The following SYT1 variants were observed in gnomAD, a reference collection of about 807,000 sequenced individuals.
SYT1 encodes the protein synaptotagmin 1.
In SYT1, 8 loss-of-function variants were observed where a neutral mutation model predicts 44.8. The observed-to-expected ratio is 0.18, with a 90% CI of 0.10 to 0.32. The LOEUF is 0.32. Among genes scored for constraint, SYT1 ranks in the 10% least tolerant of loss-of-function variants. SYT1 has a pLI of 1.00. For missense variants in SYT1, 286 were observed against 509.3 expected (o/e 0.56, Z 4.22); for synonymous variants, 154 against 188.8 (o/e 0.82, Z 1.51).
intron 9 of SYT1, among the ~76,000 whole-genome samples, chr12:79,418,987 T>C (rs1868929395): frequency 6.6e-6 from 1 of 152,206 alleles, no homozygotes; most frequent in South Asian, 2.1e-4. Flanking sequence ...GTGATTATAC[T>C]GTGAAGCCAG....
At chr12:78,922,941 G>A (rs1401266343) in intron 1 of SYT1, among the ~76,000 whole-genome samples, 1 of 147,598 alleles carries the variant, frequency 6.8e-6, no homozygotes, top group Non-Finnish European at 1.5e-5. Flanking sequence ...GTATAGTCAG[G>A]ACGAGAACCC....
intron 4 of SYT1, among the ~76,000 whole-genome samples, chr12:79,237,290 C>A: frequency 6.6e-6 from 1 of 152,038 alleles, no homozygotes; most frequent in Non-Finnish European, 1.5e-5. Flanking sequence ...AAGAGTTGGG[C>A]ATTAGAAATT....
intron 2 of SYT1, among the ~76,000 whole-genome samples, chr12:79,020,803 G>A (rs1872143052): frequency 6.6e-6 from 1 of 151,874 alleles, no homozygotes; most frequent in Non-Finnish European, 1.5e-5. Context: ...GAAGAAACCT[G>A]TGGTGTTTAA....
At chr12:79,092,328 A>T (rs571538976) in intron 3 of SYT1, among the ~76,000 whole-genome samples, 1 of 151,856 alleles carries the variant, frequency 6.6e-6, no homozygotes. Flanking sequence ...ATTGTGTCCT[A>T]TTAGAAAGAG....
intron 4 of SYT1, among the ~76,000 whole-genome samples, chr12:79,218,613 T>C (rs1182628574): frequency 6.6e-6 from 1 of 152,100 alleles, no homozygotes. Context: ...CACATATGAG[T>C]GAGATCATGT....
chr12:79,087,104 C>T lies in SYT1; in HGVS notation c.-18+39742C>T, dbSNP rs150761355. 4.8e-3 allele frequency among the ~76,000 whole-genome samples: 735 copies of T among 152,202 alleles called. 5 individuals are homozygous for T. Among genetic ancestry groups the T allele is most frequent in the Non-Finnish European group, 7.7e-3 (523 of 67,998 alleles). On this transcript the variant is annotated intron_variant, in intron 3 of 10. Transcript: ENST00000261205. ...CAGCTGTGTTAGTACACAATTCGGG[C>T]CTTTTCTAGCTTTATGATTCTAAAA...
chr12:79,402,345 A>C (rs1315510547), intron 9 of SYT1, among the ~76,000 whole-genome samples: 1 of 152,158 alleles, frequency 6.6e-6, no homozygotes, highest in Non-Finnish European at 1.5e-5. Context: ...TCTCAATACA[A>C]AATCAAAGCT....
At chr12:79,339,350 A>G (rs1246553906) in intron 8 of SYT1, among the ~76,000 whole-genome samples, 1 of 152,134 alleles carries the variant, frequency 6.6e-6, no homozygotes, top group African/African-American at 2.4e-5. Context: ...TGACTTTTTA[A>G]TGATCGCCAT....
At chr12:79,023,353 T>G (rs144182965) in intron 2 of SYT1, among the ~76,000 whole-genome samples, 3 of 151,662 alleles carry the variant, frequency 2.0e-5, no homozygotes, top group African/African-American at 7.3e-5. Context: ...ACCTGAGGGG[T>G]GGGGCTTTAG....
rs113579232 is a variant in SYT1, at chr12:79,087,769, G to A, written c.-18+40407G>A. The stretch of plus-strand genomic sequence containing the variant: ...GTGACAATCCATGATAGAAGCTCAG[G>A]TATAGTAATTTGTTAACCAAAATAT... On this transcript the variant is annotated intron_variant, in intron 3 of 10. Transcript: ENST00000261205. Among the ~76,000 whole-genome samples the A allele has an allele frequency of 6.6e-3, 1,003 of 152,208 alleles. 13 individuals carry two copies. Among genetic ancestry groups the A allele is most frequent in the African/African-American group, 0.023 (956 of 41,542 alleles).
intron 9 of SYT1, among the ~76,000 whole-genome samples, chr12:79,386,838 A>T (rs1216541137): frequency 6.6e-6 from 1 of 152,094 alleles, no homozygotes; most frequent in East Asian, 1.9e-4. Flanking sequence ...TTGCTACTTC[A>T]GTTTCCCTGT....
chr12:79,155,339 T>C (rs1266414215), intron 3 of SYT1, among the ~76,000 whole-genome samples: 1 of 152,216 alleles, frequency 6.6e-6, no homozygotes, highest in Non-Finnish European at 1.5e-5. Flanking sequence ...GAAGGGATGC[T>C]GTTCATCCTC....
chr12:79,332,447 C>G (rs1881896630), intron 8 of SYT1, among the ~76,000 whole-genome samples: 2 of 148,944 alleles, frequency 1.3e-5, no homozygotes, highest in South Asian at 4.1e-4. Context: ...TCCAAATATA[C>G]TTAGAGATGA....
intron 4 of SYT1, among the ~76,000 whole-genome samples, chr12:79,257,722 G>C (rs1220465116): frequency 6.6e-6 from 1 of 152,102 alleles, no homozygotes; most frequent in African/African-American, 2.4e-5. Flanking sequence ...CTCTTGACCT[G>C]GTGATCCGCT....
At chr12:79,182,153 C>A (rs1399549004) in intron 3 of SYT1, among the ~76,000 whole-genome samples, 1 of 152,054 alleles carries the variant, frequency 6.6e-6, no homozygotes, top group African/African-American at 2.4e-5. Context: ...ACTTGTCAAG[C>A]CCTTGTAATC....
At chr12:79,287,307 C>A (rs1331327310) in intron 5 of SYT1, among the ~76,000 whole-genome samples, 1 of 152,114 alleles carries the variant, frequency 6.6e-6, no homozygotes, top group African/African-American at 2.4e-5. Flanking sequence ...ATCACAGTCA[C>A]AAAAGCCAAT....
At chr12:78,906,034 T>C (rs1875962587) in intron 1 of SYT1, among the ~76,000 whole-genome samples, 1 of 151,932 alleles carries the variant, frequency 6.6e-6, no homozygotes, top group South Asian at 2.1e-4. Flanking sequence ...TCTGAAGAAA[T>C]AAAAGCACTA....
At chr12:78,876,352 AG>A (rs1874067365) in intron 1 of SYT1, among the ~76,000 whole-genome samples, 1 of 151,232 alleles carries the variant, frequency 6.6e-6, no homozygotes, top group Non-Finnish European at 1.5e-5. Context: ...TCTGCTACAC[AG>A]TAATGAAGTA....
At chr12:79,055,584 A>T (rs1421429141) in intron 3 of SYT1, among the ~76,000 whole-genome samples, 1 of 151,992 alleles carries the variant, frequency 6.6e-6, no homozygotes, top group African/African-American at 2.4e-5. Context: ...AAAAAACTGT[A>T]TTCAAGTGCT....
Sources: gnomAD v4.1 joint callset for allele counts (sites outside exome capture counted in the v4.1 genomes callset) on GRCh38, gnomAD v4.1.1 for gene constraint, MANE v1.5 for transcripts, NCBI Gene and HGNC (gene_info 2026-07-23, HGNC 2026-07-21) for gene names.